MEGF9: variants seen among roughly 807,000 people sequenced by gnomAD.
MEGF9 encodes the protein multiple epidermal growth factor-like domains protein 9.
In MEGF9, 6 loss-of-function variants were observed where a neutral mutation model predicts 46.8. The ratio of observed to expected loss-of-function variants is 0.13; its 90% CI spans 0.07 to 0.25. The LOEUF (loss-of-function observed/expected upper bound fraction) is 0.25. Among genes scored for constraint, MEGF9 ranks in the 10% least tolerant of loss-of-function variants. The probability of loss-of-function intolerance (pLI) is 1.00; values close to 1 mark genes in which losing one functional copy is unlikely to be tolerated. For missense variants in MEGF9, 683 were observed against 792.4 expected (o/e 0.86, Z 1.66); for synonymous variants, 302 against 330.7 (o/e 0.91, Z 0.94).
intron 2 of MEGF9, among the ~76,000 whole-genome samples, chr9:120,625,503 C>T (rs2043519918): frequency 6.6e-6 from 1 of 151,972 alleles, no homozygotes; most frequent in African/African-American, 2.4e-5. Context: ...CACTGTACTC[C>T]AGCCTGGGCG....
intron 1 of MEGF9, among the ~76,000 whole-genome samples, chr9:120,665,076 ATT>A (rs2043719095): frequency 6.6e-6 from 1 of 152,148 alleles, no homozygotes; most frequent in African/African-American, 2.4e-5. Context: ...AGTTAACTAT[ATT>A]TACCCTATTG....
chr9:120,673,770 A>C (rs935364910), intron 1 of MEGF9, among the ~76,000 whole-genome samples: 3 of 152,058 alleles, frequency 2.0e-5, no homozygotes, highest in Non-Finnish European at 4.4e-5. Flanking sequence ...GTTCAAGACT[A>C]GCCTGGCCAA....
chr9:120,616,904 A>G (rs2043475434), intron 3 of MEGF9, among the ~76,000 whole-genome samples: 1 of 152,176 alleles, frequency 6.6e-6, no homozygotes, highest in Non-Finnish European at 1.5e-5. Flanking sequence ...TTTTCTCTTT[A>G]TGTCTTAATT....
chr9:120,655,277 C>T (rs771798348), intron 2 of MEGF9, among the ~76,000 whole-genome samples: 1 of 152,134 alleles, frequency 6.6e-6, no homozygotes. Context: ...ATCTTTTATA[C>T]GTTTGCTGTA....
intron 3 of MEGF9, among the ~76,000 whole-genome samples, chr9:120,620,149 A>C (rs1564413597): frequency 6.6e-6 from 1 of 152,256 alleles, no homozygotes; most frequent in Non-Finnish European, 1.5e-5. Flanking sequence ...AATTATCTCC[A>C]GAGAAAGGAC....
At chr9:120,612,327 T>C in intron 4 of MEGF9, 69 bp downstream of exon 4, 1 of 1,462,178 alleles carries the variant, frequency 6.8e-7, no homozygotes, top group Non-Finnish European at 9.2e-7. Flanking sequence ...TATTCATCAA[T>C]GCAACTTATA....
At chr9:120,619,893 G>C (rs1485511612) in intron 3 of MEGF9, among the ~76,000 whole-genome samples, 1 of 152,140 alleles carries the variant, frequency 6.6e-6, no homozygotes, top group East Asian at 1.9e-4. Flanking sequence ...CAGTAGAGGG[G>C]GTGAAAATAG....
intron 2 of MEGF9, among the ~76,000 whole-genome samples, chr9:120,652,193 A>AAAC (rs2043655182): frequency 7.0e-6 from 1 of 142,966 alleles, no homozygotes; most frequent in South Asian, 2.3e-4. Flanking sequence ...AAAAAAAAAA[A>AAAC]AAAAAAAACA....
intron 1 of MEGF9, among the ~76,000 whole-genome samples, chr9:120,665,948 G>A (rs2043723105): frequency 6.6e-6 from 1 of 152,102 alleles, no homozygotes. Flanking sequence ...CTGTTCCACT[G>A]ACTTATGTGT....
intron 1 of MEGF9, among the ~76,000 whole-genome samples, chr9:120,689,503 G>C (rs2043838897): frequency 6.6e-6 from 1 of 152,058 alleles, no homozygotes; most frequent in Non-Finnish European, 1.5e-5. Flanking sequence ...AAATGGACCA[G>C]GGAAAGAATG....
intron 1 of MEGF9, among the ~76,000 whole-genome samples, chr9:120,690,745 G>C (rs928287405): frequency 1.3e-5 from 2 of 152,098 alleles, no homozygotes; most frequent in African/African-American, 2.4e-5. Context: ...CTCTGCTGGA[G>C]ACCAAAATTT....
At position 120,604,672 on chromosome 9, in the gene MEGF9, C is replaced by T. The variant is rs115093485; in HGVS notation, c.*518G>A. 8.8e-3 allele frequency: 1,379 copies of T among 156,592 alleles called. 24 individuals carry two copies. Among genetic ancestry groups the T allele is most frequent in the African/African-American group, 0.032 (1,322 of 41,546 alleles). 9.7% of individuals were successfully genotyped at this position (156,592 alleles called of 1,614,324 possible). A position where few individuals can be genotyped will look rare whatever the true frequency, so the allele number is the denominator to read the frequency against. Reference sequence around the variant, plus strand: ...CTGAAGATCTTGGGACTTTTCTACCCCTGTTCTAGAAACAATCAAGATTAT... The same window carrying T: ...CTGAAGATCTTGGGACTTTTCTACCTCTGTTCTAGAAACAATCAAGATTAT... On this transcript the variant is annotated 3_prime_UTR_variant, in exon 6 of 6. Coordinates refer to ENST00000373930, the MANE Select transcript of MEGF9 (RefSeq NM_001080497.3).
intron 1 of MEGF9, among the ~76,000 whole-genome samples, chr9:120,660,304 A>G (rs2043696508): frequency 6.6e-6 from 1 of 152,278 alleles, no homozygotes; most frequent in Middle Eastern, 3.4e-3. Flanking sequence ...TTTATGGGGT[A>G]CCTGAGGTAT....
intron 2 of MEGF9, among the ~76,000 whole-genome samples, chr9:120,652,903 A>G (rs2043659924): frequency 6.6e-6 from 1 of 152,206 alleles, no homozygotes; most frequent in Non-Finnish European, 1.5e-5. Flanking sequence ...CATGTTAGAT[A>G]TATTAATCCT....
intron 1 of MEGF9, among the ~76,000 whole-genome samples, chr9:120,707,229 T>C (rs936414283): frequency 6.6e-6 from 1 of 152,218 alleles, no homozygotes; most frequent in Admixed American, 6.5e-5. Flanking sequence ...ATTACTATTA[T>C]AGTAGTCCAC....
At chr9:120,625,592 T>G (rs1219176044) in intron 2 of MEGF9, among the ~76,000 whole-genome samples, 1 of 151,164 alleles carries the variant, frequency 6.6e-6, no homozygotes, top group African/African-American at 2.4e-5. Context: ...TCCTAGCACT[T>G]TCGGAGGCTG....
intron 2 of MEGF9, among the ~76,000 whole-genome samples, chr9:120,647,690 T>C (rs1206122005): frequency 9.2e-5 from 14 of 152,214 alleles, no homozygotes; most frequent in Admixed American, 7.2e-4. Context: ...AAGAATATGC[T>C]AGATTAGATT....
At position 120,605,959 on chromosome 9, in the gene MEGF9, G is replaced by A. The variant is rs1490960316; in HGVS notation, c.1358-318C>T. On this transcript the variant is annotated intron_variant, in intron 5 of 5. Coordinates refer to ENST00000373930, the MANE Select transcript of MEGF9 (RefSeq NM_001080497.3). The surrounding 1 kb of genome is among the most constrained non-coding windows in gnomAD (Gnocchi z 4.0). The stretch of plus-strand genomic sequence containing the variant: ...GCGGCCGAGGGTGGTGGATCACGAG[G>A]TCAGGAGTTCAAGACCAGCCTGGCC... 6.6e-6 allele frequency among the ~76,000 whole-genome samples: 1 copy of A among 151,948 alleles called. No homozygotes were observed. Among genetic ancestry groups the A allele is most frequent in the East Asian group, 1.9e-4 (1 of 5,180 alleles).
Position 120,605,466 on chromosome 9 carries a change from G to C in MEGF9, c.1533C>G (p.Thr511=). The change falls in exon 6 of 6, where the codon ACC becomes ACG. Residue 511 remains threonine (T), a synonymous_variant. Coordinates refer to ENST00000373930, the MANE Select transcript of MEGF9 (RefSeq NM_001080497.3). This position sits in a 1 kb window ranked among gnomAD's most constrained non-coding sequence, Gnocchi z 4.0. ...CTGTCAAAATGATGATGTTAAATTG[G>C]GTCCATGATACATCAGCTAAAGCTG... The part of the protein sequence containing the change: ...STSALADVSW[T]QFNIIILTVI... The C allele has an allele frequency of 6.2e-7, 1 of 1,613,920 alleles. No individual in the cohort carries two copies. Among genetic ancestry groups the C allele is most frequent in the Non-Finnish European group, 8.5e-7 (1 of 1,179,884 alleles).
Sources: allele counts gnomAD v4.1 joint callset (sites outside exome capture counted in the v4.1 genomes callset), GRCh38; gene constraint gnomAD v4.1.1; non-coding constraint Gnocchi (gnomAD v3.1); transcripts MANE v1.5; gene names NCBI Gene and HGNC (gene_info 2026-07-23, HGNC 2026-07-21).